C15orf40: variants seen among roughly 807,000 people sequenced by gnomAD.
The protein encoded by C15orf40 is UPF0235 protein C15orf40.
Under a neutral mutation model 13.9 loss-of-function variants are expected in C15orf40, and 9 were observed. That is an observed-to-expected ratio of 0.65 (90% CI 0.39 to 1.13). The LOEUF is 1.13. C15orf40 is among the 50% of genes most tolerant of loss of function. The pLI is 0.01. For synonymous variants in C15orf40, 95 were observed against 69.2 expected, an observed-to-expected ratio of 1.37 and a Z score of -1.85; for missense variants, 225 against 188.5, an observed-to-expected ratio of 1.19 and a Z score of -1.13.
At chr15:82,993,125 T>TAAAC (rs2030928491), downstream of C15orf40, among the ~76,000 whole-genome samples, 1 of 152,194 alleles carries the variant, frequency 6.6e-6, no homozygotes, top group African/African-American at 2.4e-5. Flanking sequence ...GAAAATCATG[T>TAAAC]AAACACTGAG....
rs1192719099 is a variant in C15orf40, at chr15:82,998,559, C to T, written c.*7038G>A. 1.1e-5 allele frequency: 1 copy of T among 87,506 alleles called. No individual in the cohort carries two copies. Among genetic ancestry groups the T allele is most frequent in the Non-Finnish European group, 2.3e-5 (1 of 44,138 alleles). 5.4% of individuals were successfully genotyped at this position (87,506 alleles called of 1,614,324 possible). ...GGCGGCGGGGCAGAGGCGCTCCCCA[C>T]ATCTCAGATGATGGGCGGCCGGGCA... is the stretch of plus-strand genomic sequence containing the variant. On this transcript the variant is annotated 3_prime_UTR_variant, in exon 4 of 4. Coordinates refer to ENST00000304177, the MANE Select transcript of C15orf40 (RefSeq NM_144597.3).
intron 3 of C15orf40, 72 bp from the exon 4 acceptor site, chr15:83,005,764 G>A (rs534471910): frequency 2.1e-5 from 32 of 1,517,758 alleles, no homozygotes; most frequent in Non-Finnish European, 2.6e-5. Flanking sequence ...GCAGACCTCC[G>A]TTGTATAATG....
At position 82,999,149 on chromosome 15, in the gene C15orf40, G is replaced by GGGGAGAGGGAGAGGGTGA. The variant is rs1352513710; in HGVS notation, c.*6430_*6447dup. The GGGGAGAGGGAGAGGGTGA allele has an allele frequency of 1.0e-5, 1 of 97,262 alleles. No individual in the cohort carries two copies. The highest frequency in any genetic ancestry group is 5.7e-5 in the African/African-American group (1 of 17,626). 6.0% of individuals were successfully genotyped at this position (97,262 alleles called of 1,614,324 possible). Reference sequence around the variant, plus strand: ...TGGCTTGGCATCAGAGGGAGACCGTGGGGAGAGGGAGAGGGTGAGGGAGAG... The same window carrying GGGGAGAGGGAGAGGGTGA: ...TGGCTTGGCATCAGAGGGAGACCGTGGGGAGAGGGAGAGGGTGAGGGAGAGGGAGAGGGTGAGGGAGAG... On this transcript the variant is annotated 3_prime_UTR_variant, in exon 4 of 4. Transcript: ENST00000304177.
In C15orf40 at chr15:83,010,128, A is replaced by C. The variant is rs2031912878; in HGVS notation, c.238+109T>G. ...AAAATGGAGAAGCCTCTAACTGCAG[A>C]TGTGAAAAATCAACTGTCATAGAAT... On this transcript the variant is annotated intron_variant, in intron 2 of 3. Coordinates refer to ENST00000304177, the MANE Select transcript of C15orf40 (RefSeq NM_144597.3). 4 of 1,412,964 alleles carry C rather than the reference A, an allele frequency of 2.8e-6. No homozygotes were observed. In the Admixed American group the frequency reaches 8.9e-5, roughly 31 times the overall value. The allele number at this position is 1,412,964 out of a possible 1,614,324, so 87.5% of individuals were successfully genotyped here.
downstream of C15orf40, chr15:82,990,496 T>C (rs1428558132): frequency 1.6e-6 from 1 of 630,270 alleles, no homozygotes; most frequent in African/African-American, 2.1e-5. Context: ...CTATGCTTTT[T>C]GTGATAGATT....
chr15:82,988,967 T>C (rs2030741647), downstream of C15orf40: 22 of 1,527,040 alleles, frequency 1.4e-5, 1 homozygote, highest in South Asian at 2.6e-4. Flanking sequence ...AGAGTGTTAA[T>C]TTTTAAATTT....
rs2031081477 is a variant in C15orf40, at chr15:82,996,474, A to C, written c.*9123T>G. ...GCTAACACGGTGAAACCCCGTCTCT[A>C]CTAAAAATACAAAAAGAAATTAGCC... On this transcript the variant is annotated 3_prime_UTR_variant, in exon 4 of 4. Coordinates refer to ENST00000304177, the MANE Select transcript of C15orf40 (RefSeq NM_144597.3). The C allele has an allele frequency of 6.6e-6, 1 of 151,968 alleles. No homozygotes were observed. Among genetic ancestry groups the C allele is most frequent in the Non-Finnish European group, 1.5e-5 (1 of 68,042 alleles). The allele number at this position is 151,968 out of a possible 1,614,324, so 9.4% of individuals were successfully genotyped here.
chr15:82,994,226 G>A (rs1337554548), downstream of C15orf40, among the ~76,000 whole-genome samples: 1 of 152,156 alleles, frequency 6.6e-6, no homozygotes, highest in Non-Finnish European at 1.5e-5. Context: ...TCAGCTTTAA[G>A]TTTAGAATGT....
Position 83,004,152 on chromosome 15 carries a change from CAG to C in C15orf40, c.*1443_*1444del, listed in dbSNP as rs2031552375. ...ATCTATCTATCTATAAAGAAAGAGA[CAG>C]AGACAGATACAGGGTCTCACTTCGT... On this transcript the variant is annotated 3_prime_UTR_variant, in exon 4 of 4. Transcript: ENST00000304177. The C allele has an allele frequency of 6.4e-6, 1 of 155,874 alleles. No homozygotes were observed. Among genetic ancestry groups the C allele is most frequent in the South Asian group, 2.0e-4 (1 of 4,892 alleles). 9.7% of individuals were successfully genotyped at this position (155,874 alleles called of 1,614,324 possible).
Position 83,011,491 on chromosome 15 carries a change from A to T in C15orf40, c.111+6T>A, listed in dbSNP as rs1305676975. On this transcript the variant is annotated splice_donor_region_variant and intron_variant, in intron 1 of 3. Transcript: ENST00000304177. ...CCCCTCTGCCGCCACGGGACCTGCT[A>T]CTGGCCTTGGTCGTCGCACCAGCCT... 1 of 1,601,082 alleles carries T rather than the reference A, an allele frequency of 6.2e-7. No homozygotes were observed. The highest frequency in any genetic ancestry group is 8.5e-7 in the Non-Finnish European group (1 of 1,175,560).
At chr15:83,010,575 T>C in intron 1 of C15orf40, 1 of 506,506 alleles carries the variant, frequency 2.0e-6, no homozygotes, top group East Asian at 3.4e-5. Flanking sequence ...AACAGTGTTT[T>C]TTCCCCCCTT....
Position 83,000,396 on chromosome 15 carries a change from C to G in C15orf40, c.*5201G>C, listed in dbSNP as rs184991810. 1 of 152,426 alleles carries G rather than the reference C, an allele frequency of 6.6e-6. No individual in the cohort carries two copies. Among genetic ancestry groups the G allele is most frequent in the East Asian group, 1.9e-4 (1 of 5,180 alleles). 9.4% of individuals were successfully genotyped at this position (152,426 alleles called of 1,614,324 possible). On this transcript the variant is annotated 3_prime_UTR_variant, in exon 4 of 4. Transcript: ENST00000304177. ...CACCATGGCAATGGGCTGAGACTCT[C>G]ACGAACCCAGCTGGCCCCAAGTTAA...
Position 83,010,131 on chromosome 15 carries a change from T to C in C15orf40, c.238+106A>G, listed in dbSNP as rs1248587277. ...ATGGAGAAGCCTCTAACTGCAGATG[T>C]GAAAAATCAACTGTCATAGAATAAG... is the stretch of plus-strand genomic sequence containing the variant. On this transcript the variant is annotated intron_variant, in intron 2 of 3. Coordinates refer to ENST00000304177, the MANE Select transcript of C15orf40 (RefSeq NM_144597.3). The C allele has an allele frequency of 3.5e-6, 5 of 1,446,386 alleles. No individual in the cohort carries two copies. In the African/African-American group the frequency reaches 7.1e-5, roughly 21 times the overall value. The allele number at this position is 1,446,386 out of a possible 1,614,324, so 89.6% of individuals were successfully genotyped here.
rs776244735 is a variant in C15orf40, at chr15:83,001,357, CAAGT to C, written c.*4236_*4239del. 1,556 of 928,482 alleles carry C rather than the reference CAAGT, an allele frequency of 1.7e-3. No homozygotes were observed. Among genetic ancestry groups the C allele is most frequent in the Non-Finnish European group, 1.9e-3 (1,488 of 778,092 alleles). The allele number at this position is 928,482 out of a possible 1,614,324, so 57.5% of individuals were successfully genotyped here. On this transcript the variant is annotated 3_prime_UTR_variant, in exon 4 of 4. Transcript: ENST00000304177. ...AAGTGATTAATACATCATGTTTGCA[CAAGT>C]AATTATCATTTATTAAGGTGCGGGT... is the stretch of plus-strand genomic sequence containing the variant.
downstream of C15orf40, among the ~76,000 whole-genome samples, chr15:82,991,373 C>T (rs995184746): frequency 2.0e-5 from 3 of 151,934 alleles, no homozygotes; most frequent in African/African-American, 7.3e-5. Flanking sequence ...GATGAGACCC[C>T]GTCTCTACTA....
chr15:83,010,244 A>T lies in C15orf40; in HGVS notation c.231T>A (p.Ala77=). The T allele has an allele frequency of 6.2e-7, 1 of 1,614,174 alleles. No individual in the cohort carries two copies. The highest frequency in any genetic ancestry group is 1.1e-5 in the South Asian group (1 of 91,086). The change falls in exon 2 of 4, where the codon GCT becomes GCA. Residue 77 remains alanine (A), a synonymous_variant. Transcript: ENST00000304177. The stretch of plus-strand genomic sequence containing the variant: ...CCCAGTGTCCAGGTATACCTGTTAC[A>T]GCATTTTGTTTGGAGCCAGGTTTTG... The part of the protein sequence containing the change: ...IHAKPGSKQN[A]VTDLTAEAVN...
Position 83,011,617 on chromosome 15 carries a change from G to T in C15orf40, c.-10C>A. ...TGCGGAGCCGCAGCATCCCCGCCTG[G>T]GAAGGCGCCGGAAGAGCCCTCTGCG... is the stretch of plus-strand genomic sequence containing the variant. On this transcript the variant is annotated 5_prime_UTR_variant, in exon 1 of 4. Transcript: ENST00000304177. 1.3e-6 allele frequency: 2 copies of T among 1,557,914 alleles called. No homozygotes were observed. The highest frequency in any genetic ancestry group is 1.7e-6 in the Non-Finnish European group (2 of 1,156,698).
chr15:83,009,039 AG>A (rs1384206641), intron 2 of C15orf40, among the ~76,000 whole-genome samples: 1 of 152,204 alleles, frequency 6.6e-6, no homozygotes, highest in Admixed American at 6.5e-5. Flanking sequence ...ATGTCACTGA[AG>A]AAGTGTATGG....
chr15:82,994,432 G>C (rs1428912425), downstream of C15orf40, among the ~76,000 whole-genome samples: 1 of 152,084 alleles, frequency 6.6e-6, no homozygotes, highest in Non-Finnish European at 1.5e-5. Flanking sequence ...TATTTCATTT[G>C]ATTCATTCAA....
Sources: allele counts gnomAD v4.1 joint callset (sites outside exome capture counted in the v4.1 genomes callset), GRCh38; gene constraint gnomAD v4.1.1; transcripts MANE v1.5; gene names NCBI Gene and HGNC (gene_info 2026-07-23, HGNC 2026-07-21).